Variants in MARCHF5 observed in about 807,000 individuals in gnomAD.
The protein encoded by MARCHF5 is E3 ubiquitin-protein ligase MARCHF5.
A neutral mutation model predicts 36.5 loss-of-function variants in MARCHF5; 5 were observed. The observed-to-expected ratio is 0.14, with a 90% CI of 0.07 to 0.29. The LOEUF (loss-of-function observed/expected upper bound fraction) is 0.29, where lower values mean the gene tolerates loss of function less well. Among genes scored for constraint, MARCHF5 ranks in the 10% least tolerant of loss-of-function variants. MARCHF5 has a pLI of 1.00. For missense variants in MARCHF5, 179 were observed against 336.3 expected (o/e 0.53, Z 3.66); for synonymous variants, 103 against 109.9 (o/e 0.94, Z 0.39).
intron 3 of MARCHF5, among the ~76,000 whole-genome samples, chr10:92,347,243 G>T (rs914386936): frequency 2.6e-5 from 4 of 152,032 alleles, no homozygotes; most frequent in African/African-American, 7.3e-5. Context: ...CAGCACTTTG[G>T]GGGGCCAAGG....
intron 1 of MARCHF5, among the ~76,000 whole-genome samples, chr10:92,297,439 A>C (rs1308755088): frequency 6.6e-6 from 1 of 150,604 alleles, no homozygotes; most frequent in Non-Finnish European, 1.5e-5. Flanking sequence ...CAAAGCTCCC[A>C]AAGTGGGGGA....
intron 4 of MARCHF5, 35 bp from the exon 5 acceptor site, chr10:92,349,636 T>C (rs773151130): frequency 6.2e-7 from 1 of 1,605,134 alleles, no homozygotes; most frequent in South Asian, 1.1e-5. Context: ...TCTTCTGATT[T>C]ATTAGCACTA....
intron 1 of MARCHF5, among the ~76,000 whole-genome samples, chr10:92,292,741 A>G (rs770432695): frequency 5.9e-5 from 9 of 152,140 alleles, no homozygotes; most frequent in African/African-American, 1.9e-4. Context: ...TTATATATAT[A>G]TGTGTGTGAT....
At chr10:92,291,890 C>G (rs1299580629) in intron 1 of MARCHF5, among the ~76,000 whole-genome samples, 7 of 151,988 alleles carry the variant, frequency 4.6e-5, no homozygotes, top group Non-Finnish European at 8.8e-5. Context: ...CTGGCAAGAA[C>G]CGGGTTATCT....
At chr10:92,345,999 T>C (rs949883722) in intron 3 of MARCHF5, among the ~76,000 whole-genome samples, 2 of 152,188 alleles carry the variant, frequency 1.3e-5, no homozygotes, top group Non-Finnish European at 2.9e-5. Context: ...CAGGCCTTTA[T>C]TTTATACATA....
intron 2 of MARCHF5, among the ~76,000 whole-genome samples, chr10:92,322,466 G>C (rs1843301963): frequency 6.9e-6 from 1 of 144,378 alleles, no homozygotes; most frequent in South Asian, 2.2e-4. Flanking sequence ...TTGAGACAGG[G>C]CCTCACTCTG....
At chr10:92,332,438 A>G (rs1217284978) in intron 2 of MARCHF5, among the ~76,000 whole-genome samples, 1 of 151,912 alleles carries the variant, frequency 6.6e-6, no homozygotes, top group East Asian at 1.9e-4. Flanking sequence ...CTAGCCTCCA[A>G]AGTGTAGTGT....
At chr10:92,318,857 C>T (rs937944831) in intron 2 of MARCHF5, among the ~76,000 whole-genome samples, 1 of 152,098 alleles carries the variant, frequency 6.6e-6, no homozygotes, top group African/African-American at 2.4e-5. Context: ...CAGGCACCCA[C>T]CACCAAGCCT....
intron 2 of MARCHF5, among the ~76,000 whole-genome samples, chr10:92,333,054 G>C (rs1843457272): frequency 6.6e-6 from 1 of 151,738 alleles, no homozygotes; most frequent in African/African-American, 2.4e-5. Context: ...CAGCTACTCG[G>C]GAGGCTGAGG....
chr10:92,296,066 G>A (rs563852902), intron 1 of MARCHF5, among the ~76,000 whole-genome samples: 31 of 151,672 alleles, frequency 2.0e-4, no homozygotes, highest in Middle Eastern at 3.4e-3. Flanking sequence ...GTAGAGACTG[G>A]GTATCTCTAT....
At position 92,319,297 on chromosome 10, in the gene MARCHF5, CT is replaced by C. The variant is rs35540447; in HGVS notation, c.238+7975del. On this transcript the variant is annotated intron_variant, in intron 2 of 5. Transcript: ENST00000358935. ...GTTACTGGTTTATGTATCTACTTTA[CT>C]TTTTTTTTTTTTTTGAGACGGAGTT... 4.8e-3 allele frequency among the ~76,000 whole-genome samples: 680 copies of C among 142,346 alleles called. 1 individual carries two copies. Among genetic ancestry groups the C allele is most frequent in the African/African-American group, 8.4e-3 (324 of 38,652 alleles). The allele number at this position is 142,346 out of a possible 152,430, so 93.4% of individuals were successfully genotyped here.
At chr10:92,340,952 C>A in intron 3 of MARCHF5, 149 bp downstream of exon 3, 3 of 673,204 alleles carry the variant, frequency 4.5e-6, no homozygotes, top group Non-Finnish European at 6.9e-6. Flanking sequence ...TTTTCTTTAC[C>A]CAAAAAGGAG....
In MARCHF5 at chr10:92,298,347, C is replaced by G. The variant is rs900588111; in HGVS notation, c.35+6818C>G. Among the ~76,000 whole-genome samples the G allele has an allele frequency of 3.3e-5, 5 of 152,280 alleles. No individual in the cohort carries two copies. The South Asian group carries it at 1.0e-3, about 32-fold the overall frequency. On this transcript the variant is annotated intron_variant, in intron 1 of 5. Coordinates refer to ENST00000358935, the MANE Select transcript of MARCHF5 (RefSeq NM_017824.5). ...TTTTGAGAAAGTACACTTACTCACT[C>G]TCTTTCCTGTTTATTCAAACAACTC...
intron 5 of MARCHF5, 171 bp downstream of exon 5, chr10:92,350,008 A>G: frequency 1.7e-6 from 1 of 594,738 alleles, no homozygotes. Flanking sequence ...AAGAGGAGAA[A>G]CCACTGCAGC....
rs1055134691 is a variant in MARCHF5 at position 92,295,414 on chromosome 10, A to AT, written c.35+3896dup. Among the ~76,000 whole-genome samples, 326 of 107,606 alleles carry AT rather than the reference A, an allele frequency of 3.0e-3. 2 individuals are homozygous for AT. The highest frequency in any genetic ancestry group is 0.012 in the African/African-American group (259 of 22,134). The allele number at this position is 107,606 out of a possible 152,430, so 70.6% of individuals were successfully genotyped here. A position where few individuals can be genotyped will look rare whatever the true frequency, so the allele number is the denominator to read the frequency against. The stretch of plus-strand genomic sequence containing the variant: ...TTATTTATTTATTTATTTATTTTTT[A>AT]TTTTTTTTTTTGAGACAGAGTCTCG... On this transcript the variant is annotated intron_variant, in intron 1 of 5. Transcript: ENST00000358935.
chr10:92,291,412 C>T lies in MARCHF5; in HGVS notation c.-83C>T. On this transcript the variant is annotated 5_prime_UTR_variant, in exon 1 of 6. Transcript: ENST00000358935. ...GCTGCCGCCGGACTGCGGCCTACTCCGCCGCCTCTCAGTGCTATTGTCCCT... is the reference window on the plus strand; with the variant it reads ...GCTGCCGCCGGACTGCGGCCTACTCTGCCGCCTCTCAGTGCTATTGTCCCT... 8.0e-7 allele frequency: 1 copy of T among 1,255,626 alleles called. No individual in the cohort carries two copies. Among genetic ancestry groups the T allele is most frequent in the Non-Finnish European group, 1.1e-6 (1 of 882,740 alleles). 77.8% of individuals were successfully genotyped at this position (1,255,626 alleles called of 1,614,324 possible). A position where few individuals can be genotyped will look rare whatever the true frequency, so the allele number is the denominator to read the frequency against.
intron 1 of MARCHF5, among the ~76,000 whole-genome samples, chr10:92,295,501 G>A (rs1334684215): frequency 6.7e-6 from 1 of 149,260 alleles, no homozygotes; most frequent in African/African-American, 2.5e-5. Context: ...TGTGCCTCTT[G>A]GGTTCACGCC....
chr10:92,302,707 G>A (rs1843031390), intron 1 of MARCHF5, among the ~76,000 whole-genome samples: 1 of 152,140 alleles, frequency 6.6e-6, no homozygotes, highest in Non-Finnish European at 1.5e-5. Context: ...GCCTCCCAAA[G>A]TGCTGGGATT....
At chr10:92,304,103 G>A (rs1843046113) in intron 1 of MARCHF5, among the ~76,000 whole-genome samples, 1 of 152,140 alleles carries the variant, frequency 6.6e-6, no homozygotes. Context: ...TAGTGGCGTG[G>A]CCTGTTGAAA....
Sources: allele counts gnomAD v4.1 joint callset (sites outside exome capture counted in the v4.1 genomes callset), GRCh38; gene constraint gnomAD v4.1.1; transcripts MANE v1.5; gene names NCBI Gene and HGNC (gene_info 2026-07-23, HGNC 2026-07-21).